The following SGCZ variants were observed in gnomAD, a reference collection of about 807,000 sequenced individuals.
SGCZ encodes the protein zeta-sarcoglycan.
In SGCZ, 40 loss-of-function variants were observed where a neutral mutation model predicts 41.3. That is an observed-to-expected ratio of 0.97 (90% CI 0.75 to 1.26). The LOEUF is 1.26. SGCZ is among the 50% of genes most tolerant of loss of function. SGCZ has a pLI of 0.00. For missense variants in SGCZ, 552 were observed against 369.8 expected (o/e 1.49, Z -4.04); for synonymous variants, 206 against 137.5 (o/e 1.50, Z -3.49).
At chr8:14,238,015 C>T (rs970004430) in intron 3 of SGCZ, among the ~76,000 whole-genome samples, 3 of 152,198 alleles carry the variant, frequency 2.0e-5, no homozygotes, top group East Asian at 1.9e-4. Flanking sequence ...ATTCCAGACG[C>T]TATCCCAATG....
chr8:14,953,660 C>A (rs17608413), intron 1 of SGCZ, among the ~76,000 whole-genome samples: 1 of 151,854 alleles, frequency 6.6e-6, no homozygotes, highest in African/African-American at 2.4e-5. Flanking sequence ...ACTATGCAGA[C>A]TTTTAAGTCA....
chr8:14,518,611 C>T (rs80227166), intron 2 of SGCZ, among the ~76,000 whole-genome samples: 108 of 152,144 alleles, frequency 7.1e-4, no homozygotes, highest in Non-Finnish European at 1.1e-3. Flanking sequence ...CTACCTACAT[C>T]CACAAGTCTT....
chr8:14,965,515 T>G (rs1169359104), intron 1 of SGCZ, among the ~76,000 whole-genome samples: 1 of 152,074 alleles, frequency 6.6e-6, no homozygotes, highest in Non-Finnish European at 1.5e-5. Flanking sequence ...TAAACAAGAA[T>G]AAGTGGGATA....
chr8:14,420,282 T>A (rs1478341106), intron 2 of SGCZ, among the ~76,000 whole-genome samples: 1 of 152,022 alleles, frequency 6.6e-6, no homozygotes, highest in African/African-American at 2.4e-5. Flanking sequence ...AAAATAAATC[T>A]TTGCAGCCAC....
intron 2 of SGCZ, among the ~76,000 whole-genome samples, chr8:14,410,915 T>C (rs531482356): frequency 3.5e-4 from 54 of 152,278 alleles, no homozygotes; most frequent in Non-Finnish European, 6.3e-4. Context: ...AGTTTGTTAG[T>C]TTAAACTAAA....
intron 1 of SGCZ, among the ~76,000 whole-genome samples, chr8:15,190,891 T>C (rs1800515156): frequency 1.3e-5 from 2 of 152,090 alleles, no homozygotes; most frequent in African/African-American, 4.8e-5. Context: ...GGAAAAGGTA[T>C]ACAGTTAGTT....
At chr8:14,267,382 A>T (rs1183918950) in intron 3 of SGCZ, among the ~76,000 whole-genome samples, 1 of 152,062 alleles carries the variant, frequency 6.6e-6, no homozygotes, top group African/African-American at 2.4e-5. Flanking sequence ...TTATTTATCT[A>T]ATCAGCCTAC....
intron 1 of SGCZ, among the ~76,000 whole-genome samples, chr8:14,860,587 AAG>A (rs1803698293): frequency 6.6e-6 from 1 of 151,686 alleles, no homozygotes. Flanking sequence ...AAAAGAAAGA[AAG>A]AAGAAAAGGA....
intron 1 of SGCZ, among the ~76,000 whole-genome samples, chr8:15,222,346 A>C (rs990125604): frequency 6.6e-6 from 1 of 152,150 alleles, no homozygotes; most frequent in Non-Finnish European, 1.5e-5. Context: ...GCCCAACTCA[A>C]GAAGTTAAAA....
rs941636223 is a variant in SGCZ, at chr8:14,554,989, A to G, written c.40-63T>C. On this transcript the variant is annotated intron_variant, in intron 1 of 7. Transcript: ENST00000382080. The stretch of plus-strand genomic sequence containing the variant: ...AAAAAAGAAGCATTAAAAAAAATAA[A>G]CCCATGATTTTTTTGAAACAAAAGA... 85 of 1,427,446 alleles carry G rather than the reference A, an allele frequency of 6.0e-5. 2 individuals carry two copies. The highest frequency in any genetic ancestry group is 1.5e-4 in the South Asian group (10 of 68,756). The allele number at this position is 1,427,446 out of a possible 1,614,324, so 88.4% of individuals were successfully genotyped here.
At chr8:14,161,642 C>T (rs539230096) in intron 5 of SGCZ, among the ~76,000 whole-genome samples, 1 of 152,126 alleles carries the variant, frequency 6.6e-6, no homozygotes, top group African/African-American at 2.4e-5. Flanking sequence ...CAACCTTTTA[C>T]AATAATCTGC....
At chr8:14,375,534 CTGAT>C (rs1253584513) in intron 2 of SGCZ, among the ~76,000 whole-genome samples, 4 of 152,074 alleles carry the variant, frequency 2.6e-5, no homozygotes, top group South Asian at 2.1e-4. Flanking sequence ...ATAAAACTCT[CTGAT>C]TGCAATGTAA....
intron 1 of SGCZ, among the ~76,000 whole-genome samples, chr8:14,725,968 A>G (rs781538659): frequency 5.9e-5 from 9 of 152,122 alleles, no homozygotes; most frequent in Non-Finnish European, 1.2e-4. Flanking sequence ...GTAAAATATT[A>G]TTAGGTAAAA....
intron 4 of SGCZ, among the ~76,000 whole-genome samples, chr8:14,199,932 T>C (rs970677865): frequency 2.0e-5 from 3 of 152,206 alleles, no homozygotes; most frequent in African/African-American, 7.2e-5. Context: ...TTTGCTGTTG[T>C]AACTCAAACT....
chr8:14,182,958 C>T (rs959065370), intron 4 of SGCZ, among the ~76,000 whole-genome samples: 3 of 148,346 alleles, frequency 2.0e-5, no homozygotes, highest in Non-Finnish European at 4.4e-5. Flanking sequence ...TGCAGTGAGC[C>T]GAGATCGTGC....
intron 2 of SGCZ, among the ~76,000 whole-genome samples, chr8:14,402,071 C>T (rs76399822): frequency 6.6e-6 from 1 of 151,962 alleles, no homozygotes; most frequent in Non-Finnish European, 1.5e-5. Context: ...TGTTTTTAGG[C>T]TGCATAAATG....
At chr8:14,283,005 A>G (rs1299774563) in intron 3 of SGCZ, among the ~76,000 whole-genome samples, 1 of 150,142 alleles carries the variant, frequency 6.7e-6, no homozygotes, top group Non-Finnish European at 1.5e-5. Context: ...GCCCGCCACC[A>G]CGCCCGGCTA....
chr8:14,667,826 G>C (rs1807960006), intron 1 of SGCZ, among the ~76,000 whole-genome samples: 2 of 152,112 alleles, frequency 1.3e-5, no homozygotes, highest in African/African-American at 4.8e-5. Flanking sequence ...AGATGATAAT[G>C]AAAAACAATT....
At chr8:14,135,415 G>A (rs935895257) in intron 5 of SGCZ, among the ~76,000 whole-genome samples, 2 of 152,152 alleles carry the variant, frequency 1.3e-5, no homozygotes, top group African/African-American at 4.8e-5. Flanking sequence ...GGAAAATACT[G>A]GAGAGTTATG....
Sources: allele counts gnomAD v4.1 joint callset (sites outside exome capture counted in the v4.1 genomes callset), GRCh38; gene constraint gnomAD v4.1.1; transcripts MANE v1.5; gene names NCBI Gene and HGNC (gene_info 2026-07-23, HGNC 2026-07-21).